The following ASTN2 variants were observed in gnomAD, a reference collection of about 807,000 sequenced individuals.
ASTN2 encodes the protein astrotactin 2, also known as astrotactin-2.
A neutral mutation model predicts 139.8 loss-of-function variants in ASTN2; 54 were observed. The observed-to-expected ratio is 0.39, with a 90% confidence interval of 0.31 to 0.48. The LOEUF (loss-of-function observed/expected upper bound fraction) is 0.48, where lower values mean the gene tolerates loss of function less well. ASTN2 is among the 20% of genes least tolerant of loss of function. The pLI, the probability that ASTN2 is intolerant of heterozygous loss-of-function variation, is 0.95. For synonymous variants in ASTN2, 756 were observed against 719.5 expected (o/e 1.05, Z -0.81); for missense variants, 1,565 against 1,725.1 (o/e 0.91, Z 1.64).
intron 2 of ASTN2, among the ~76,000 whole-genome samples, chr9:117,221,886 G>A (rs1361315780): frequency 1.3e-5 from 2 of 151,746 alleles, no homozygotes; most frequent in African/African-American, 2.4e-5. Flanking sequence ...CTCAAAGAAT[G>A]AAAGTGACTT....
intron 6 of ASTN2, among the ~76,000 whole-genome samples, chr9:117,022,450 A>AAC (rs1269185515): frequency 1.8e-5 from 2 of 108,796 alleles, no homozygotes; most frequent in African/African-American, 5.3e-5. Context: ...GGCAAAAAAA[A>AAC]AAAACAAAAA....
chr9:116,479,814 C>T lies in ASTN2; in HGVS notation c.3497+7545G>A, dbSNP rs144753249. 7.2e-5 allele frequency among the ~76,000 whole-genome samples: 11 copies of T among 152,212 alleles called. No individual in the cohort carries two copies. In the East Asian group the frequency reaches 2.1e-3, roughly 29 times the overall value. On this transcript the variant is annotated intron_variant, in intron 20 of 22. Coordinates refer to ENST00000313400, the MANE Select transcript of ASTN2 (RefSeq NM_001365068.1). ...GGATCTTTGTATAAAAGATCCCTGCCCACAGCTTCCACTCTGACCCCTGTC... is the reference window on the plus strand; with the variant it reads ...GGATCTTTGTATAAAAGATCCCTGCTCACAGCTTCCACTCTGACCCCTGTC...
intron 19 of ASTN2, chr9:116,568,939 T>G (rs981469499): frequency 6.6e-6 from 1 of 152,162 alleles, no homozygotes; most frequent in African/African-American, 2.4e-5. Flanking sequence ...GTGAGGCCTT[T>G]TTTTACTCTG....
At chr9:116,761,461 G>C (rs539400077) in intron 13 of ASTN2, among the ~76,000 whole-genome samples, 1 of 152,282 alleles carries the variant, frequency 6.6e-6, no homozygotes, top group African/African-American at 2.4e-5. Flanking sequence ...CACGGAAAGA[G>C]GTGTTCAAAG....
intron 2 of ASTN2, among the ~76,000 whole-genome samples, chr9:117,253,971 G>A (rs931168742): frequency 6.6e-6 from 1 of 152,230 alleles, no homozygotes. Context: ...ACGCTCACAG[G>A]CCTGCCTACC....
At chr9:116,781,589 G>T (rs917971224) in intron 13 of ASTN2, among the ~76,000 whole-genome samples, 1 of 152,142 alleles carries the variant, frequency 6.6e-6, no homozygotes, top group African/African-American at 2.4e-5. Flanking sequence ...AGCTTCAGTG[G>T]GGTGGGTTTA....
intron 5 of ASTN2, among the ~76,000 whole-genome samples, chr9:117,070,896 T>C (rs955616647): frequency 1.0e-4 from 15 of 148,734 alleles, no homozygotes; most frequent in Non-Finnish European, 2.0e-4. Context: ...TTGGTTATTC[T>C]AGTTATACAT....
intron 1 of ASTN2, among the ~76,000 whole-genome samples, chr9:117,393,757 G>A (rs1423930539): frequency 2.6e-4 from 40 of 151,908 alleles, no homozygotes. Flanking sequence ...CAGGCTCTGA[G>A]GTGGAATGGG....
intron 10 of ASTN2, among the ~76,000 whole-genome samples, chr9:116,941,935 A>G (rs1835242352): frequency 6.6e-6 from 1 of 151,174 alleles, no homozygotes; most frequent in Non-Finnish European, 1.5e-5. Context: ...CCAGCAGACT[A>G]CTTGAATTCT....
Position 117,218,053 on chromosome 9 carries a change from G to A in ASTN2, c.631-3311C>T, listed in dbSNP as rs79257691. The stretch of plus-strand genomic sequence containing the variant: ...CCAGCATGACTTTAAAACCATGCTC[G>A]GAGTGGAGAAGGCACAGGAGCAAAA... On this transcript the variant is annotated intron_variant, in intron 2 of 22. Transcript: ENST00000313400. Among the ~76,000 whole-genome samples, 523 of 152,306 alleles carry A rather than the reference G, an allele frequency of 3.4e-3. 6 individuals carry two copies. The highest frequency in any genetic ancestry group is 0.011 in the African/African-American group (464 of 41,574).
At chr9:116,912,777 C>T (rs781656242) in intron 10 of ASTN2, among the ~76,000 whole-genome samples, 9 of 152,020 alleles carry the variant, frequency 5.9e-5, no homozygotes, top group Admixed American at 2.0e-4. Context: ...GGCTGGGGCT[C>T]GTGAGGTGGG....
At chr9:117,198,669 G>A (rs980233970) in intron 3 of ASTN2, among the ~76,000 whole-genome samples, 7 of 152,156 alleles carry the variant, frequency 4.6e-5, no homozygotes, top group African/African-American at 1.2e-4. Context: ...TGAGATTGCT[G>A]GGTCAAATGG....
At chr9:116,503,842 G>A (rs553208510) in intron 19 of ASTN2, among the ~76,000 whole-genome samples, 7 of 152,244 alleles carry the variant, frequency 4.6e-5, no homozygotes, top group African/African-American at 1.7e-4. Flanking sequence ...TGTGAGGTAG[G>A]CAGTTTAGGA....
At chr9:117,016,536 C>A (rs1475675111) in intron 6 of ASTN2, among the ~76,000 whole-genome samples, 1 of 142,374 alleles carries the variant, frequency 7.0e-6, no homozygotes, top group Non-Finnish European at 1.5e-5. Context: ...ACTGCATATC[C>A]CAGAAAAAAG....
rs73519432 is a variant in ASTN2 at position 116,757,014 on chromosome 9, C to T, written c.2397-23491G>A. On this transcript the variant is annotated intron_variant, in intron 13 of 22. Coordinates refer to ENST00000313400, the MANE Select transcript of ASTN2 (RefSeq NM_001365068.1). Reference sequence around the variant, plus strand: ...CCTCCACCCTGAAATAGAGTGCTTCCGCCTACAGCTCCTGCTGAAATGGGA... The same window carrying T: ...CCTCCACCCTGAAATAGAGTGCTTCTGCCTACAGCTCCTGCTGAAATGGGA... 9.9e-3 allele frequency among the ~76,000 whole-genome samples: 1,513 copies of T among 152,252 alleles called. 18 individuals are homozygous for T. Among genetic ancestry groups the T allele is most frequent in the African/African-American group, 0.034 (1,395 of 41,538 alleles).
chr9:117,003,457 G>A (rs1373684675), intron 7 of ASTN2, among the ~76,000 whole-genome samples: 6 of 151,378 alleles, frequency 4.0e-5, no homozygotes, highest in African/African-American at 9.7e-5. Flanking sequence ...TTCTCTGGGC[G>A]GCAGTAGAAT....
rs182747689 is a variant in ASTN2 at position 117,091,574 on chromosome 9, G to C, written c.1276+4470C>G. ...ATTTAAGTGGAGGTCTCACGTGATG[G>C]GGGGGCAGGTGAATGAGTCAAACGG... On this transcript the variant is annotated intron_variant, in intron 5 of 22. Coordinates refer to ENST00000313400, the MANE Select transcript of ASTN2 (RefSeq NM_001365068.1). 8.5e-4 allele frequency among the ~76,000 whole-genome samples: 129 copies of C among 152,128 alleles called. 1 individual carries two copies. The highest frequency in any genetic ancestry group is 3.0e-3 in the African/African-American group (124 of 41,512).
At chr9:116,512,352 CT>C (rs1850430105) in intron 19 of ASTN2, among the ~76,000 whole-genome samples, 1 of 152,200 alleles carries the variant, frequency 6.6e-6, no homozygotes, top group Non-Finnish European at 1.5e-5. Context: ...TTTGATTGCA[CT>C]GTGTTCTGAG....
intron 22 of ASTN2, among the ~76,000 whole-genome samples, chr9:116,428,999 T>C (rs1428071999): frequency 2.6e-5 from 4 of 152,130 alleles, no homozygotes; most frequent in Admixed American, 1.3e-4. Flanking sequence ...AAAATATTTC[T>C]GGTTGTTTGA....
Sources: allele counts gnomAD v4.1 joint callset (sites outside exome capture counted in the v4.1 genomes callset), GRCh38; gene constraint gnomAD v4.1.1; transcripts MANE v1.5; gene names NCBI Gene and HGNC (gene_info 2026-07-23, HGNC 2026-07-21).